Variants in PLCB1 observed in about 807,000 individuals in gnomAD.
PLCB1 encodes 1-phosphatidylinositol 4,5-bisphosphate phosphodiesterase beta-1.
A neutral mutation model predicts 161.8 loss-of-function variants in PLCB1; 46 were observed. That is an observed-to-expected ratio of 0.28 (90% CI 0.22 to 0.36). The LOEUF is 0.36. PLCB1 is among the 10% of genes least tolerant of loss of function. The pLI is 1.00. For missense variants in PLCB1, 1,016 were observed against 1,472.5 expected (o/e 0.69, Z 5.07); for synonymous variants, 517 against 503.7 (o/e 1.03, Z -0.35).
intron 3 of PLCB1, among the ~76,000 whole-genome samples, chr20:8,594,188 C>T (rs6133593): frequency 6.6e-6 from 1 of 152,170 alleles, no homozygotes; most frequent in South Asian, 2.1e-4. Context: ...GGCATGAACC[C>T]TCATGCCTAG....
intron 3 of PLCB1, among the ~76,000 whole-genome samples, chr20:8,455,673 T>C (rs1400025492): frequency 6.6e-6 from 1 of 152,076 alleles, no homozygotes; most frequent in Non-Finnish European, 1.5e-5. Flanking sequence ...CTAAGTGTGC[T>C]GCACCCACCT....
intron 1 of PLCB1, among the ~76,000 whole-genome samples, chr20:8,134,562 T>A (rs1315805673): frequency 6.6e-6 from 1 of 152,222 alleles, no homozygotes; most frequent in Non-Finnish European, 1.5e-5. Flanking sequence ...TAACACATAT[T>A]TCTTGCTCAC....
intron 3 of PLCB1, among the ~76,000 whole-genome samples, chr20:8,448,221 A>C (rs371865198): frequency 2.4e-4 from 36 of 152,368 alleles, no homozygotes; most frequent in South Asian, 1.2e-3. Context: ...GCAGGAAAAG[A>C]AACTTCACAG....
rs5840263 is a variant in PLCB1 at position 8,417,026 on chromosome 20, T to TACAC, written c.246+45602_246+45605dup. On this transcript the variant is annotated intron_variant, in intron 3 of 31. Transcript: ENST00000338037. The stretch of plus-strand genomic sequence containing the variant: ...GTAGTTTTAAATACATATATGTGTA[T>TACAC]ACACACACACACACACACACACACA... Among the ~76,000 whole-genome samples the TACAC allele has an allele frequency of 8.6e-4, 57 of 66,584 alleles. 1 individual carries two copies. Among genetic ancestry groups the TACAC allele is most frequent in the African/African-American group, 2.4e-3 (42 of 17,566 alleles). The allele number at this position is 66,584 out of a possible 152,430, so 43.7% of individuals were successfully genotyped here. A position where few individuals can be genotyped will look rare whatever the true frequency, so the allele number is the denominator to read the frequency against.
At chr20:8,265,880 C>G (rs1325815094) in intron 2 of PLCB1, among the ~76,000 whole-genome samples, 1 of 152,140 alleles carries the variant, frequency 6.6e-6, no homozygotes, top group Non-Finnish European at 1.5e-5. Context: ...GGAAATCATA[C>G]AAATGTCATT....
At chr20:8,496,329 CAAAAAAAA>C (rs71331309) in intron 3 of PLCB1, among the ~76,000 whole-genome samples, 1 of 91,998 alleles carries the variant, frequency 1.1e-5, no homozygotes, top group African/African-American at 3.7e-5. Flanking sequence ...CCCATCTCTG[CAAAAAAAA>C]AAAAAAAAAA....
At chr20:8,505,834 G>T (rs566522320) in intron 3 of PLCB1, among the ~76,000 whole-genome samples, 3 of 152,078 alleles carry the variant, frequency 2.0e-5, no homozygotes, top group South Asian at 4.1e-4. Context: ...GAGAGTGAAT[G>T]GGGTAACAAT....
intron 31 of PLCB1, among the ~76,000 whole-genome samples, chr20:8,878,727 T>C (rs1882153697): frequency 6.6e-6 from 1 of 152,068 alleles, no homozygotes; most frequent in South Asian, 2.1e-4. Context: ...TTTCATTTTC[T>C]ATTTTTATTT....
chr20:8,432,561 T>A (rs543545622), intron 3 of PLCB1, among the ~76,000 whole-genome samples: 1 of 152,364 alleles, frequency 6.6e-6, no homozygotes, highest in African/African-American at 2.4e-5. Flanking sequence ...ATTCTATCCT[T>A]AGCAGATGCT....
rs1005974670 is a variant in PLCB1, at chr20:8,668,548, C to A, written c.862+9844C>A. Among the ~76,000 whole-genome samples the A allele has an allele frequency of 3.9e-5, 6 of 152,234 alleles. No homozygotes were observed. In the East Asian group the frequency reaches 1.2e-3, roughly 29 times the overall value. On this transcript the variant is annotated intron_variant, in intron 9 of 31. Transcript: ENST00000338037. ...CAGAAGCCAACTTTGAAAGAAGATT[C>A]AAGTCCATAGAGTTTGGAAGGTGAT...
intron 2 of PLCB1, among the ~76,000 whole-genome samples, chr20:8,214,506 T>C (rs1027969890): frequency 6.6e-6 from 1 of 152,140 alleles, no homozygotes; most frequent in African/African-American, 2.4e-5. Context: ...GTGTTATGCT[T>C]TCTGTACCGG....
At chr20:8,713,982 G>T (rs548955994) in intron 12 of PLCB1, among the ~76,000 whole-genome samples, 21 of 152,294 alleles carry the variant, frequency 1.4e-4, no homozygotes, top group Middle Eastern at 3.4e-3. Flanking sequence ...GGAAAATCCT[G>T]AGAGCAGGGC....
chr20:8,771,373 G>A (rs541847492), intron 26 of PLCB1, among the ~76,000 whole-genome samples: 2 of 152,100 alleles, frequency 1.3e-5, no homozygotes, highest in South Asian at 4.2e-4. Context: ...TCACATATGT[G>A]GTTCTCATTC....
intron 2 of PLCB1, among the ~76,000 whole-genome samples, chr20:8,324,611 G>A (rs1355099346): frequency 6.6e-6 from 1 of 152,130 alleles, no homozygotes. Flanking sequence ...GGGGACTGGG[G>A]ACTTCCTGAT....
intron 27 of PLCB1, among the ~76,000 whole-genome samples, chr20:8,786,792 C>A (rs1983508733): frequency 6.6e-6 from 1 of 151,854 alleles, no homozygotes; most frequent in Non-Finnish European, 1.5e-5. Flanking sequence ...CAACCTCCAC[C>A]TCCCGGATTC....
At chr20:8,138,848 A>C (rs1396728700) in intron 1 of PLCB1, among the ~76,000 whole-genome samples, 1 of 152,158 alleles carries the variant, frequency 6.6e-6, no homozygotes, top group African/African-American at 2.4e-5. Flanking sequence ...TATCATTACC[A>C]TGTGTTAATT....
chr20:8,795,607 A>G lies in PLCB1; in HGVS notation c.3423+5346A>G, dbSNP rs138830924. 7.2e-5 allele frequency among the ~76,000 whole-genome samples: 11 copies of G among 152,372 alleles called. No homozygotes were observed. The East Asian group carries it at 2.1e-3, about 29-fold the overall frequency. On this transcript the variant is annotated intron_variant, in intron 31 of 31. Transcript: ENST00000338037. ...GTAGAATTTTCAAGATGGACGCAGTAAACACTGGCCAGTCTTCTGACTCAG... is the reference window on the plus strand; with the variant it reads ...GTAGAATTTTCAAGATGGACGCAGTGAACACTGGCCAGTCTTCTGACTCAG...
At chr20:8,690,854 G>A (rs1366216303) in intron 10 of PLCB1, among the ~76,000 whole-genome samples, 1 of 152,132 alleles carries the variant, frequency 6.6e-6, no homozygotes, top group Non-Finnish European at 1.5e-5. Flanking sequence ...AATGAGCAAG[G>A]ACAGTTAATT....
chr20:8,592,084 G>A (rs1048964984), intron 3 of PLCB1, among the ~76,000 whole-genome samples: 7 of 152,112 alleles, frequency 4.6e-5, no homozygotes, highest in African/African-American at 1.7e-4. Context: ...ATAGTTTTGT[G>A]CATGAAATAA....
Sources: gnomAD v4.1 joint callset for allele counts (sites outside exome capture counted in the v4.1 genomes callset) on GRCh38, gnomAD v4.1.1 for gene constraint, MANE v1.5 for transcripts, NCBI Gene and HGNC (gene_info 2026-07-23, HGNC 2026-07-21) for gene names.